The following ZNF570 variants were observed in gnomAD, a reference collection of about 807,000 sequenced individuals.
The protein encoded by ZNF570 is zinc finger protein 570.
Under a neutral mutation model 14.2 loss-of-function variants are expected in ZNF570, and 8 were observed. The ratio of observed to expected loss-of-function variants is 0.56; its 90% CI spans 0.33 to 1.02. The LOEUF is 1.02. ZNF570 is among the 50% of genes least tolerant of loss of function. The pLI is 0.03. For synonymous variants in ZNF570, 202 were observed against 207.6 expected (o/e 0.97, Z 0.23); for missense variants, 559 against 624.9 (o/e 0.89, Z 1.12).
chr19:37,468,071 GT>G (rs35295578), upstream of ZNF570: 129,944 of 569,750 alleles, frequency 0.23, 4,338 homozygotes, highest in Non-Finnish European at 0.26. Context: ...TGCCTTTCGT[GT>G]TTTTTTTTTT....
At chr19:37,476,303 A>C (rs1450565301) in intron 3 of ZNF570, 36 bp from the exon 4 acceptor site, 7 of 1,609,258 alleles carry the variant, frequency 4.3e-6, no homozygotes, top group Non-Finnish European at 5.1e-6. Flanking sequence ...TATCCACAGC[A>C]TGACAAAACT....
rs536064383 is a variant in ZNF570, at chr19:37,478,182, A to G, written c.256+1748A>G. Among the ~76,000 whole-genome samples, 313 of 152,300 alleles carry G rather than the reference A, an allele frequency of 2.1e-3. 2 individuals carry two copies. The highest frequency in any genetic ancestry group is 3.5e-3 in the Non-Finnish European group (241 of 67,990). On this transcript the variant is annotated intron_variant, in intron 4 of 4. Coordinates refer to ENST00000330173, the MANE Select transcript of ZNF570 (RefSeq NM_144694.5). Reference sequence around the variant, plus strand: ...TCAAATTTTATTTATTCTGTAATCAATTCTGGAAATTTTAAAAATTCATTA... The same window carrying G: ...TCAAATTTTATTTATTCTGTAATCAGTTCTGGAAATTTTAAAAATTCATTA...
At chr19:37,471,230 G>A (rs1030471065) in intron 2 of ZNF570, among the ~76,000 whole-genome samples, 2 of 150,158 alleles carry the variant, frequency 1.3e-5, no homozygotes, top group Admixed American at 6.6e-5. Context: ...AGCCAGGATG[G>A]TCTCGATCTC....
At chr19:37,478,200 A>G (rs1421533811) in intron 4 of ZNF570, among the ~76,000 whole-genome samples, 1 of 152,202 alleles carries the variant, frequency 6.6e-6, no homozygotes. Context: ...AATTTTAAAA[A>G]TTCATTAACA....
chr19:37,467,832 G>A (rs2041874108), upstream of ZNF570: 4 of 1,518,964 alleles, frequency 2.6e-6, no homozygotes, highest in Non-Finnish European at 3.5e-6. Flanking sequence ...GTGTGACCAT[G>A]GTCGCGTTTT....
At chr19:37,474,696 G>A (rs2042004540) in intron 2 of ZNF570, among the ~76,000 whole-genome samples, 1 of 152,124 alleles carries the variant, frequency 6.6e-6, no homozygotes, top group Non-Finnish European at 1.5e-5. Context: ...CTGACCTCAA[G>A]TGATCCACCT....
chr19:37,485,073 C>A lies in ZNF570; in HGVS notation c.1451C>A (p.Ser484Tyr), dbSNP rs2042138440. ...GGAAAGGCTTTTAGTTACTGTGGAT[C>A]CCTTGCCCAACATCAGAGAATTCAT... ...VCGKAFSYCG[S>Y]LAQHQRIHTG... Residue 484 changes from serine to tyrosine, a missense_variant, in exon 5 of 5, where the codon TCC becomes TAC. Transcript: ENST00000330173. The A allele has an allele frequency of 5.6e-6, 9 of 1,611,206 alleles. No homozygotes were observed. The East Asian group carries it at 2.0e-4, about 36-fold the overall frequency.
In ZNF570 at chr19:37,476,705, C is replaced by CTT. The variant is rs35904468; in HGVS notation, c.256+292_256+293dup. Among the ~76,000 whole-genome samples, 446 of 111,782 alleles carry CTT rather than the reference C, an allele frequency of 4.0e-3. 1 individual carries two copies. The highest frequency in any genetic ancestry group is 6.3e-3 in the East Asian group (23 of 3,630). The allele number at this position is 111,782 out of a possible 152,430, so 73.3% of individuals were successfully genotyped here. On this transcript the variant is annotated intron_variant, in intron 4 of 4. Coordinates refer to ENST00000330173, the MANE Select transcript of ZNF570 (RefSeq NM_144694.5). Reference sequence around the variant, plus strand: ...AAAAATCTTGTAGTAGTCTTATAAACTTTTTTTTTTTTTTTTTTTTTTGTG... The same window carrying CTT: ...AAAAATCTTGTAGTAGTCTTATAAACTTTTTTTTTTTTTTTTTTTTTTTTGTG...
In ZNF570 at chr19:37,483,965, C is replaced by A. The variant is rs201683137; in HGVS notation, c.343C>A (p.Leu115Ile). ...EHQSQKIIET[L>I]TSYNLEYSSL... ...TCAATCCCAGAAGATAATAGAAACACTTACAAGCTATAACCTTGAATACTC... is the reference window on the plus strand; with the variant it reads ...TCAATCCCAGAAGATAATAGAAACAATTACAAGCTATAACCTTGAATACTC... The change falls in exon 5 of 5, where the codon CTT (leucine) becomes ATT (isoleucine). Residue 115 changes from leucine to isoleucine, a missense_variant. By Grantham distance (5) the Leu-to-Ile change is conservative. Transcript: ENST00000330173. 6.2e-7 allele frequency: 1 copy of A among 1,613,922 alleles called. No homozygotes were observed. Among genetic ancestry groups the A allele is most frequent in the African/African-American group, 1.3e-5 (1 of 75,040 alleles).
At chr19:37,481,260 TCTC>T (rs771982504) in intron 4 of ZNF570, among the ~76,000 whole-genome samples, 7 of 151,990 alleles carry the variant, frequency 4.6e-5, no homozygotes, top group Non-Finnish European at 8.8e-5. Context: ...TTCAAGCAAT[TCTC>T]CTGCCTCAGC....
rs2042017834 is a variant in ZNF570, at chr19:37,475,908, G to A, written c.61G>A (p.Val21Ile). The change falls in exon 3 of 5, where the codon GTA becomes ATA. Residue 21 changes from valine to isoleucine, a missense_variant. Val to Ile is a conservative substitution (Grantham distance 29). Coordinates refer to ENST00000330173, the MANE Select transcript of ZNF570 (RefSeq NM_144694.5). ...GTTGGTGACCTTCAGAGATGTGGCTGTAGACTTCTCCCAAGAGGAATGGGA... is the reference window on the plus strand; with the variant it reads ...GTTGGTGACCTTCAGAGATGTGGCTATAGACTTCTCCCAAGAGGAATGGGA... ...QELVTFRDVA[V>I]DFSQEEWDCL... 6.2e-7 allele frequency: 1 copy of A among 1,613,642 alleles called. No individual in the cohort carries two copies. Among genetic ancestry groups the A allele is most frequent in the Admixed American group, 1.7e-5 (1 of 59,902 alleles).
intron 4 of ZNF570, among the ~76,000 whole-genome samples, chr19:37,478,568 G>T (rs755813373): frequency 7.0e-6 from 1 of 142,072 alleles, no homozygotes; most frequent in Non-Finnish European, 1.6e-5. Context: ...CGTATCTCCA[G>T]TATAATATGA....
Position 37,485,169 on chromosome 19 carries a change from A to T in ZNF570, c.1547A>T (p.His516Leu). ...TFRQHAHLAHHQRIHIGESLS... is the reference protein window; with the variant it reads ...TFRQHAHLAHLQRIHIGESLS... ...AGGCAGCATGCACACCTTGCTCATC[A>T]CCAGAGAATTCACATTGGGGAGTCA... Residue 516 changes from histidine to leucine, a missense_variant, in exon 5 of 5, where the codon CAC becomes CTC. By Grantham distance (99) the His-to-Leu change is moderately conservative. Coordinates refer to ENST00000330173, the MANE Select transcript of ZNF570 (RefSeq NM_144694.5). The T allele has an allele frequency of 6.3e-7, 1 of 1,595,678 alleles. No individual in the cohort carries two copies. Among genetic ancestry groups the T allele is most frequent in the Non-Finnish European group, 8.5e-7 (1 of 1,170,814 alleles).
Position 37,469,382 on chromosome 19 carries a change from G to T in ZNF570, c.-227G>T. The T allele has an allele frequency of 3.4e-6, 5 of 1,476,768 alleles. No individual in the cohort carries two copies. Among genetic ancestry groups the T allele is most frequent in the Non-Finnish European group, 4.5e-6 (5 of 1,110,714 alleles). 91.5% of individuals were successfully genotyped at this position (1,476,768 alleles called of 1,614,324 possible). On this transcript the variant is annotated 5_prime_UTR_variant, in exon 1 of 5. Transcript: ENST00000330173. ...CTTCTTTCCGGGCCCGTAAGGGCTG[G>T]GTTCCATCCAACTAAGGGTAGCGGT... is the stretch of plus-strand genomic sequence containing the variant.
chr19:37,483,898 G>A lies in ZNF570; in HGVS notation c.276G>A (p.Glu92=), dbSNP rs2042114648. ...GLCSGWEPIC[E]TEELTPKQDF... ...TTTCAGGCTGGGAGCCTATATGTGA[G>A]ACTGAAGAATTAACCCCAAAGCAGG... is the stretch of plus-strand genomic sequence containing the variant. The change falls in exon 5 of 5, where the codon GAG becomes GAA. Residue 92 remains glutamate, a synonymous_variant. Transcript: ENST00000330173. 1.2e-6 allele frequency: 2 copies of A among 1,610,642 alleles called. No homozygotes were observed. The highest frequency in any genetic ancestry group is 1.7e-6 in the Non-Finnish European group (2 of 1,178,768).
intron 2 of ZNF570, among the ~76,000 whole-genome samples, chr19:37,474,563 G>A (rs556783266): frequency 7.9e-5 from 12 of 152,172 alleles, no homozygotes; most frequent in African/African-American, 2.6e-4. Context: ...GGATTCAAGC[G>A]ATTCTCCTGC....
rs2147024327 is a variant in ZNF570 at position 37,484,203 on chromosome 19, C to T, written c.581C>T (p.Thr194Ile). 1 of 1,613,914 alleles carries T rather than the reference C, an allele frequency of 6.2e-7. No homozygotes were observed. Among genetic ancestry groups the T allele is most frequent in the South Asian group, 1.1e-5 (1 of 91,072 alleles). Residue 194 changes from threonine (T) to isoleucine (I), a missense_variant, in exon 5 of 5, where the codon ACA (threonine) becomes ATA (isoleucine). Physicochemically the swap from Thr to Ile is moderately conservative, Grantham distance 89. Coordinates refer to ENST00000330173, the MANE Select transcript of ZNF570 (RefSeq NM_144694.5). ...GAGGAGAAAGTACATAAACATGACA[C>T]ACAAAAGAGAAGCTTTAAAAAAAAT... ...PKEEKVHKHD[T>I]QKRSFKKNLM...
chr19:37,483,268 T>G (rs1035733662), intron 4 of ZNF570, among the ~76,000 whole-genome samples: 2 of 152,210 alleles, frequency 1.3e-5, no homozygotes, highest in African/African-American at 4.8e-5. Flanking sequence ...GAGACTTGAA[T>G]GACTGACTGA....
In ZNF570 at chr19:37,487,465, CAGTG is replaced by C. The variant is rs1274458708; in HGVS notation, c.*2235_*2238del. ...CACTGTTTTAGGTATGAGGAAATGA[CAGTG>C]AGCAATACAAAGGCCACATTCTCAT... is the stretch of plus-strand genomic sequence containing the variant. On this transcript the variant is annotated 3_prime_UTR_variant, in exon 5 of 5. Transcript: ENST00000330173. The C allele has an allele frequency of 2.0e-5, 3 of 152,044 alleles. No individual in the cohort carries two copies. Among genetic ancestry groups the C allele is most frequent in the African/African-American group, 4.8e-5 (2 of 41,402 alleles). 9.4% of individuals were successfully genotyped at this position (152,044 alleles called of 1,614,324 possible). A position where few individuals can be genotyped will look rare whatever the true frequency, so the allele number is the denominator to read the frequency against.
Sources: allele counts gnomAD v4.1 joint callset (sites outside exome capture counted in the v4.1 genomes callset), GRCh38; gene constraint gnomAD v4.1.1; transcripts MANE v1.5; gene names NCBI Gene and HGNC (gene_info 2026-07-23, HGNC 2026-07-21).